Variants in KCNIP4 observed in about 807,000 individuals in gnomAD.
The protein encoded by KCNIP4 is potassium voltage-gated channel interacting protein 4.
In KCNIP4, 12 loss-of-function variants were observed where a neutral mutation model predicts 34.0. That is an observed-to-expected ratio of 0.35 (90% CI 0.23 to 0.57). The LOEUF is 0.57. KCNIP4 is among the 20% of genes least tolerant of loss of function. The probability of loss-of-function intolerance (pLI) is 0.83; values close to 1 mark genes in which losing one functional copy is unlikely to be tolerated. For missense variants in KCNIP4, 238 were observed against 311.7 expected (o/e 0.76, Z 1.78); for synonymous variants, 124 against 102.2 (o/e 1.21, Z -1.29).
At chr4:20,802,048 T>A (rs971854195) in intron 3 of KCNIP4, among the ~76,000 whole-genome samples, 1 of 150,978 alleles carries the variant, frequency 6.6e-6, no homozygotes, top group African/African-American at 2.4e-5. Flanking sequence ...AATTATTTAA[T>A]GATATAGTGG....
chr4:21,588,184 C>T (rs1228293699), intron 1 of KCNIP4, among the ~76,000 whole-genome samples: 2 of 151,878 alleles, frequency 1.3e-5, no homozygotes, highest in Admixed American at 6.6e-5. Flanking sequence ...CATTATTTTT[C>T]TTTTAAGATA....
chr4:21,447,349 GA>G (rs1332205245), intron 1 of KCNIP4, among the ~76,000 whole-genome samples: 1 of 152,146 alleles, frequency 6.6e-6, no homozygotes, highest in African/African-American at 2.4e-5. Context: ...GCCTCCAGAG[GA>G]AGTGCAACCT....
chr4:21,597,659 T>C (rs1010642515), intron 1 of KCNIP4, among the ~76,000 whole-genome samples: 2 of 152,136 alleles, frequency 1.3e-5, no homozygotes, highest in Non-Finnish European at 2.9e-5. Context: ...TACAGCTCCC[T>C]TGGAGCCTAG....
At chr4:21,094,382 T>C (rs1747284745) in intron 1 of KCNIP4, among the ~76,000 whole-genome samples, 1 of 152,196 alleles carries the variant, frequency 6.6e-6, no homozygotes, top group Non-Finnish European at 1.5e-5. Context: ...AAGATCTGAA[T>C]TGTACACAAA....
At chr4:21,351,794 TC>T (rs1332943386) in intron 1 of KCNIP4, among the ~76,000 whole-genome samples, 1 of 152,084 alleles carries the variant, frequency 6.6e-6, no homozygotes, top group Non-Finnish European at 1.5e-5. Flanking sequence ...AGGACAAAGG[TC>T]CCAGAAGAAC....
intron 1 of KCNIP4, among the ~76,000 whole-genome samples, chr4:21,152,399 A>AT (rs1752820883): frequency 6.6e-6 from 1 of 152,000 alleles, no homozygotes. Flanking sequence ...CCATTCTCTC[A>AT]TTTTTTAAAA....
chr4:20,862,693 C>T (rs996142320), intron 2 of KCNIP4, among the ~76,000 whole-genome samples: 3 of 152,066 alleles, frequency 2.0e-5, no homozygotes, highest in African/African-American at 7.2e-5. Context: ...ACACTATTCA[C>T]AATAGCAAAG....
chr4:21,788,902 G>A (rs868330412), intron 1 of KCNIP4, among the ~76,000 whole-genome samples: 10 of 151,686 alleles, frequency 6.6e-5, no homozygotes, highest in African/African-American at 9.7e-5. Context: ...GTGAAACCTC[G>A]TCTCTACTAA....
chr4:21,838,558 A>G (rs1723484693), intron 1 of KCNIP4, among the ~76,000 whole-genome samples: 1 of 152,194 alleles, frequency 6.6e-6, no homozygotes, highest in Non-Finnish European at 1.5e-5. Flanking sequence ...ATCATTTTAT[A>G]TCTATGGATA....
intron 1 of KCNIP4, among the ~76,000 whole-genome samples, chr4:21,681,273 A>AT (rs778538252): frequency 0.036 from 5,083 of 141,816 alleles, 265 homozygotes; most frequent in African/African-American, 0.12. Context: ...GCTAATTTTA[A>AT]TTTTTTTTTT....
intron 1 of KCNIP4, among the ~76,000 whole-genome samples, chr4:21,146,779 T>C (rs1414186055): frequency 6.6e-6 from 1 of 152,184 alleles, no homozygotes; most frequent in Non-Finnish European, 1.5e-5. Flanking sequence ...TGAACATACC[T>C]TTATGTTCAA....
chr4:21,072,958 A>G (rs1183107214), intron 1 of KCNIP4, among the ~76,000 whole-genome samples: 1 of 152,026 alleles, frequency 6.6e-6, no homozygotes, highest in Non-Finnish European at 1.5e-5. Flanking sequence ...ATGGTTGTAG[A>G]TGTGTGGTAT....
chr4:21,169,102 C>A (rs935487448), intron 1 of KCNIP4, among the ~76,000 whole-genome samples: 3 of 152,148 alleles, frequency 2.0e-5, no homozygotes, highest in Non-Finnish European at 4.4e-5. Flanking sequence ...GTTAAGTCAA[C>A]CTATAGCTAC....
At chr4:20,776,380 A>G (rs1270730721) in intron 3 of KCNIP4, among the ~76,000 whole-genome samples, 8 of 152,190 alleles carry the variant, frequency 5.3e-5, no homozygotes, top group Non-Finnish European at 1.2e-4. Context: ...TTGGATTTAA[A>G]TAATAGGAGC....
chr4:21,284,873 G>A (rs1235355651), intron 1 of KCNIP4, among the ~76,000 whole-genome samples: 1 of 151,940 alleles, frequency 6.6e-6, no homozygotes, highest in African/African-American at 2.4e-5. Flanking sequence ...ACACCCACCG[G>A]GAGAAGGGAT....
At chr4:21,438,308 CT>C (rs944770348) in intron 1 of KCNIP4, among the ~76,000 whole-genome samples, 8 of 152,138 alleles carry the variant, frequency 5.3e-5, no homozygotes, top group Non-Finnish European at 1.0e-4. Context: ...CAATCTGCTG[CT>C]GTTTAATAAA....
chr4:21,190,906 GA>G (rs956619048), intron 1 of KCNIP4, among the ~76,000 whole-genome samples: 9 of 152,182 alleles, frequency 5.9e-5, no homozygotes, highest in Non-Finnish European at 1.0e-4. Flanking sequence ...AACCTTGAAA[GA>G]AAAAAGTAAA....
intron 1 of KCNIP4, among the ~76,000 whole-genome samples, chr4:21,011,606 G>T (rs1351236240): frequency 6.6e-6 from 1 of 152,134 alleles, no homozygotes; most frequent in Admixed American, 6.5e-5. Flanking sequence ...TGTGACTACT[G>T]ATTGCTTCTA....
intron 3 of KCNIP4, among the ~76,000 whole-genome samples, chr4:20,833,790 C>A (rs913433270): frequency 2.6e-5 from 4 of 152,136 alleles, no homozygotes; most frequent in Non-Finnish European, 4.4e-5. Context: ...AAGGGCCCTG[C>A]AGACTGAATT....
Sources: gnomAD v4.1 joint callset for allele counts (sites outside exome capture counted in the v4.1 genomes callset) on GRCh38, gnomAD v4.1.1 for gene constraint, MANE v1.5 for transcripts, NCBI Gene and HGNC (gene_info 2026-07-23, HGNC 2026-07-21) for gene names.